NUDT19: variants seen among roughly 807,000 people sequenced by gnomAD.
The protein encoded by NUDT19 is nudix hydrolase 19.
A neutral mutation model predicts 22.2 loss-of-function variants in NUDT19; 31 were observed. The ratio of observed to expected loss-of-function variants is 1.40; its 90% confidence interval spans 1.05 to 1.89. The LOEUF is 1.89. NUDT19 is among the 40% of genes most tolerant of loss of function. The pLI is 0.00. For synonymous variants in NUDT19, 325 were observed against 230.8 expected (o/e 1.41, Z -3.70); for missense variants, 752 against 514.2 (o/e 1.46, Z -4.47).
At chr19:32,711,440 G>C (rs994459309) in intron 2 of NUDT19, among the ~76,000 whole-genome samples, 3 of 152,104 alleles carry the variant, frequency 2.0e-5, no homozygotes, top group Admixed American at 2.0e-4. Flanking sequence ...TCTAGCCTGG[G>C]CAACAGAGTG....
In NUDT19 at chr19:32,709,389, CCA is replaced by C; in HGVS notation, c.920_921del (p.Pro307ArgfsTer2). 1 of 1,613,296 alleles carries C rather than the reference CCA, an allele frequency of 6.2e-7. No homozygotes were observed. Among genetic ancestry groups the C allele is most frequent in the Non-Finnish European group, 8.5e-7 (1 of 1,179,246 alleles). On this transcript the variant is annotated frameshift_variant and splice_region_variant, in exon 2 of 3. Transcript: ENST00000397061. LOFTEE classifies it low-confidence loss of function (END_TRUNC). ...TGCTGATGGGATGGTCCATCTTTTACCAGGTAAACCAGTGAAGCATCGGTGCT... is the reference window on the plus strand; with the variant it reads ...TGCTGATGGGATGGTCCATCTTTTACGGTAAACCAGTGAAGCATCGGTGCT... ...LTADGMVHLL[P>X]GDELYLEDSD...
At chr19:32,701,346 C>T (rs917133605) in intron 1 of NUDT19, among the ~76,000 whole-genome samples, 17 of 151,798 alleles carry the variant, frequency 1.1e-4, no homozygotes, top group African/African-American at 2.7e-4. Context: ...GCTGGGATTA[C>T]GGGCGCCTGC....
At chr19:32,696,355 A>T (rs1348134295) in intron 1 of NUDT19, among the ~76,000 whole-genome samples, 2 of 151,134 alleles carry the variant, frequency 1.3e-5, no homozygotes, top group Non-Finnish European at 2.9e-5. Context: ...ACCCCTAAAC[A>T]GTTAGTCTAG....
chr19:32,712,017 AC>A lies in NUDT19; in HGVS notation c.*61del, dbSNP rs1341868913. The A allele has an allele frequency of 1.7e-5, 18 of 1,069,122 alleles. No homozygotes were observed. 66.2% of individuals were successfully genotyped at this position (1,069,122 alleles called of 1,614,324 possible). A position where few individuals can be genotyped will look rare whatever the true frequency, so the allele number is the denominator to read the frequency against. ...AAGTCCTCATGAATAATGAGGGTTG[AC>A]TTTCATTTGCTTGAAACTTAAGGAA... On this transcript the variant is annotated 3_prime_UTR_variant, in exon 3 of 3. Coordinates refer to ENST00000397061, the MANE Select transcript of NUDT19 (RefSeq NM_001105570.2).
At chr19:32,701,347 G>A (rs532159441) in intron 1 of NUDT19, among the ~76,000 whole-genome samples, 11 of 151,680 alleles carry the variant, frequency 7.3e-5, no homozygotes, top group East Asian at 1.9e-4. Context: ...CTGGGATTAC[G>A]GGCGCCTGCC....
chr19:32,697,683 A>G (rs529696769), intron 1 of NUDT19, among the ~76,000 whole-genome samples: 112 of 152,290 alleles, frequency 7.4e-4, no homozygotes, highest in Non-Finnish European at 1.6e-3. Flanking sequence ...CTAAGATACC[A>G]GGTATCTCCA....
At chr19:32,694,676 T>C (rs1483523296) in intron 1 of NUDT19, among the ~76,000 whole-genome samples, 1 of 152,204 alleles carries the variant, frequency 6.6e-6, no homozygotes, top group Admixed American at 6.5e-5. Context: ...TGTTAACTTT[T>C]AGCAAACTTT....
At chr19:32,692,770 C>A in intron 1 of NUDT19, 96 bp downstream of exon 1, 1 of 892,694 alleles carries the variant, frequency 1.1e-6, no homozygotes, top group Non-Finnish European at 1.6e-6. Context: ...CCGCATAGGC[C>A]AAGCCCAGAG....
chr19:32,703,648 CTTTTTTTT>C (rs60766132), intron 1 of NUDT19, among the ~76,000 whole-genome samples: 1 of 68,344 alleles, frequency 1.5e-5, no homozygotes, highest in African/African-American at 5.5e-5. Context: ...TGTGCCCAGC[CTTTTTTTT>C]TTTTTTTTTT....
In NUDT19 at chr19:32,692,399, C is replaced by T. The variant is rs1466349541; in HGVS notation, c.439C>T (p.Pro147Ser). The T allele has an allele frequency of 6.3e-7, 1 of 1,575,042 alleles. No homozygotes were observed. The highest frequency in any genetic ancestry group is 1.1e-5 in the South Asian group (1 of 88,748). Residue 147 changes from proline (P) to serine (S), a missense_variant, in exon 1 of 3, where the codon CCA becomes TCA. Transcript: ENST00000397061. ...GVLLLRPRTS[P>S]PGPAPGPGLA... Reference sequence around the variant, plus strand: ...GCTGCTGCTGCGGCCCAGGACTTCCCCACCAGGCCCAGCACCCGGGCCTGG... The same window carrying T: ...GCTGCTGCTGCGGCCCAGGACTTCCTCACCAGGCCCAGCACCCGGGCCTGG...
intron 1 of NUDT19, among the ~76,000 whole-genome samples, chr19:32,704,831 G>C (rs1459133710): frequency 6.6e-6 from 1 of 152,032 alleles, no homozygotes; most frequent in African/African-American, 2.4e-5. Flanking sequence ...TTTGGGCCGG[G>C]CATGGTGGTT....
chr19:32,707,199 A>G (rs1048577923), intron 1 of NUDT19, among the ~76,000 whole-genome samples: 1 of 152,212 alleles, frequency 6.6e-6, no homozygotes, highest in South Asian at 2.1e-4. Context: ...GATGCCTGCC[A>G]TTTAACCCTT....
chr19:32,692,205 C>T lies in NUDT19; in HGVS notation c.245C>T (p.Pro82Leu). 4 of 1,578,750 alleles carry T rather than the reference C, an allele frequency of 2.5e-6. No homozygotes were observed. The highest frequency in any genetic ancestry group is 1.1e-5 in the South Asian group (1 of 88,946). Residue 82 changes from proline to leucine, a missense_variant, in exon 1 of 3, where the codon CCG (proline) becomes CTG (leucine). Physicochemically the swap from Pro to Leu is moderately conservative, Grantham distance 98 (BLOSUM62 -3). Coordinates refer to ENST00000397061, the MANE Select transcript of NUDT19 (RefSeq NM_001105570.2). ...RSADWLGLFA[P>L]HHGPPRFGLG... Reference sequence around the variant, plus strand: ...GCGGACTGGCTGGGCCTCTTCGCGCCGCACCACGGGCCGCCGCGCTTCGGC... The same window carrying T: ...GCGGACTGGCTGGGCCTCTTCGCGCTGCACCACGGGCCGCCGCGCTTCGGC...
At chr19:32,696,468 C>T (rs1056982387) in intron 1 of NUDT19, among the ~76,000 whole-genome samples, 5 of 152,096 alleles carry the variant, frequency 3.3e-5, no homozygotes, top group Admixed American at 2.0e-4. Flanking sequence ...CTCTCTGTGA[C>T]GTTTAAAGAA....
intron 1 of NUDT19, among the ~76,000 whole-genome samples, chr19:32,698,969 G>A (rs1225569833): frequency 6.6e-6 from 1 of 152,228 alleles, no homozygotes; most frequent in Non-Finnish European, 1.5e-5. Context: ...AGTTGGAAGA[G>A]TGAAGCCTTT....
intron 1 of NUDT19, among the ~76,000 whole-genome samples, chr19:32,693,598 A>AT (rs1223795283): frequency 6.6e-6 from 1 of 151,982 alleles, no homozygotes; most frequent in Non-Finnish European, 1.5e-5. Context: ...TGATTGGTCC[A>AT]TTTTGCAGAG....
At chr19:32,710,115 G>T (rs1316930923) in intron 2 of NUDT19, among the ~76,000 whole-genome samples, 1 of 151,578 alleles carries the variant, frequency 6.6e-6, no homozygotes, top group African/African-American at 2.4e-5. Flanking sequence ...GGGTTCAAGC[G>T]ATACTTCTGC....
Position 32,691,955 on chromosome 19 carries a change from C to T in NUDT19, c.-6C>T. ...CGCCAGAATCGGATCCGGGAAGCTG[C>T]GCGCCATGAGCAGCTCCCTGCGGCC... On this transcript the variant is annotated 5_prime_UTR_variant, in exon 1 of 3. Transcript: ENST00000397061. 8.2e-7 allele frequency: 1 copy of T among 1,218,950 alleles called. No homozygotes were observed. The highest frequency in any genetic ancestry group is 1.0e-6 in the Non-Finnish European group (1 of 979,752). The allele number at this position is 1,218,950 out of a possible 1,614,324, so 75.5% of individuals were successfully genotyped here. A position where few individuals can be genotyped will look rare whatever the true frequency, so the allele number is the denominator to read the frequency against.
intron 2 of NUDT19, among the ~76,000 whole-genome samples, chr19:32,711,395 G>A (rs1968445548): frequency 6.6e-6 from 1 of 151,836 alleles, no homozygotes; most frequent in African/African-American, 2.4e-5. Flanking sequence ...CCCAAGAGGT[G>A]GAGGTTGCAA....
Sources: allele counts gnomAD v4.1 joint callset (sites outside exome capture counted in the v4.1 genomes callset), GRCh38; gene constraint gnomAD v4.1.1; transcripts MANE v1.5; gene names NCBI Gene and HGNC (gene_info 2026-07-23, HGNC 2026-07-21).